Variants in PRR11 observed in about 807,000 individuals in gnomAD.
The protein encoded by PRR11 is proline rich 11, also known as proline-rich protein 11.
In PRR11, 30 loss-of-function variants were observed where a neutral mutation model predicts 45.6. The observed-to-expected ratio is 0.66, with a 90% CI of 0.49 to 0.89. The LOEUF (loss-of-function observed/expected upper bound fraction) is 0.89, where lower values mean the gene tolerates loss of function less well. PRR11 is among the 40% of genes least tolerant of loss of function. PRR11 has a pLI of 0.00. For synonymous variants in PRR11, 128 were observed against 153.5 expected (o/e 0.83, Z 1.23); for missense variants, 373 against 424.8 (o/e 0.88, Z 1.07).
At chr17:59,186,258 C>T (rs1007790874) in intron 4 of PRR11, among the ~76,000 whole-genome samples, 1 of 151,624 alleles carries the variant, frequency 6.6e-6, no homozygotes, top group East Asian at 1.9e-4. Flanking sequence ...CACTATTGCA[C>T]CCACCTAGGA....
At chr17:59,198,858 A>G (rs569285645) in intron 9 of PRR11, among the ~76,000 whole-genome samples, 3 of 152,154 alleles carry the variant, frequency 2.0e-5, no homozygotes, top group Admixed American at 6.6e-5. Flanking sequence ...AAAAAGAACT[A>G]TAGGTAGGAT....
Position 59,175,454 on chromosome 17 carries a change from C to T in PRR11, c.128+5574C>T, listed in dbSNP as rs373172731. Among the ~76,000 whole-genome samples, 22 of 152,170 alleles carry T rather than the reference C, an allele frequency of 1.4e-4. No homozygotes were observed. The South Asian group carries it at 4.1e-3, about 29-fold the overall frequency. ...AGCCTGGGCAACATAGCAAGACCCT[C>T]GTCTCTATAAAAAATGTAAAAGACA... On this transcript the variant is annotated intron_variant, in intron 2 of 9. Transcript: ENST00000262293.
chr17:59,200,248 T>G (rs1319717503), intron 9 of PRR11, among the ~76,000 whole-genome samples: 1 of 152,134 alleles, frequency 6.6e-6, no homozygotes. Context: ...AGCAACTGTA[T>G]CAGGTTTTGC....
intron 2 of PRR11, among the ~76,000 whole-genome samples, chr17:59,180,615 C>G (rs187443200): frequency 6.7e-6 from 1 of 149,772 alleles, no homozygotes; most frequent in African/African-American, 2.5e-5. Context: ...TAGAGATTCT[C>G]CTGTCTCAGC....
At chr17:59,199,678 C>G (rs144453069) in intron 9 of PRR11, among the ~76,000 whole-genome samples, 1 of 152,188 alleles carries the variant, frequency 6.6e-6, no homozygotes, top group Non-Finnish European at 1.5e-5. Flanking sequence ...ATAGTTCGTT[C>G]TCTCTCTGGA....
At position 59,202,402 on chromosome 17, in the gene PRR11, T is replaced by G. The variant is rs954091141; in HGVS notation, c.*771T>G. ...ATAATACAGGGAGACCCCGTTTCTATTAAAAATACAAAAATCAGCCAGCTG... is the reference window on the plus strand; with the variant it reads ...ATAATACAGGGAGACCCCGTTTCTAGTAAAAATACAAAAATCAGCCAGCTG... On this transcript the variant is annotated 3_prime_UTR_variant, in exon 10 of 10. Transcript: ENST00000262293. 1.3e-5 allele frequency: 2 copies of G among 152,018 alleles called. No homozygotes were observed. The highest frequency in any genetic ancestry group is 6.6e-5 in the Admixed American group (1 of 15,260). The allele number at this position is 152,018 out of a possible 1,614,324, so 9.4% of individuals were successfully genotyped here. A position where few individuals can be genotyped will look rare whatever the true frequency, so the allele number is the denominator to read the frequency against.
intron 2 of PRR11, among the ~76,000 whole-genome samples, chr17:59,171,950 T>TAC (rs1491150200): frequency 6.0e-5 from 9 of 150,804 alleles, no homozygotes; most frequent in Admixed American, 2.6e-4. Flanking sequence ...AAATTATCTT[T>TAC]ATATATATAT....
At chr17:59,185,680 C>T (rs1224783431) in intron 4 of PRR11, 118 bp downstream of exon 4, 20 of 944,982 alleles carry the variant, frequency 2.1e-5, no homozygotes, top group Admixed American at 1.2e-4. Flanking sequence ...AAACATTAAG[C>T]GAAAAAGTTT....
At chr17:59,185,417 G>A (rs1262830061) in intron 3 of PRR11, 23 bp from the exon 4 acceptor site, 1 of 1,588,308 alleles carries the variant, frequency 6.3e-7, no homozygotes, top group Non-Finnish European at 8.6e-7. Flanking sequence ...ATAGGACTCA[G>A]AATTGTTTAT....
intron 1 of PRR11, among the ~76,000 whole-genome samples, chr17:59,167,608 G>A (rs900332309): frequency 2.0e-5 from 3 of 152,194 alleles, no homozygotes; most frequent in Admixed American, 2.0e-4. Context: ...CTTATATCTT[G>A]ATTATATGCT....
chr17:59,172,883 G>A (rs760992106), intron 2 of PRR11, among the ~76,000 whole-genome samples: 18 of 152,336 alleles, frequency 1.2e-4, no homozygotes, highest in African/African-American at 3.4e-4. Context: ...TCGCATGCCC[G>A]CCCAAGGGCT....
chr17:59,161,098 G>GA (rs569894910), intron 1 of PRR11, among the ~76,000 whole-genome samples: 13 of 152,002 alleles, frequency 8.6e-5, no homozygotes, highest in East Asian at 5.8e-4. Flanking sequence ...AGCAGTGTAA[G>GA]AAAAAAACTA....
In PRR11 at chr17:59,169,813, A is replaced by C; in HGVS notation, c.61A>C (p.Lys21Gln). 2.5e-6 allele frequency: 4 copies of C among 1,612,376 alleles called. No homozygotes were observed. Among genetic ancestry groups the C allele is most frequent in the Non-Finnish European group, 3.4e-6 (4 of 1,179,522 alleles). Reference sequence around the variant, plus strand: ...AGCCAAAGCCGAAAGATTATTCAAAAAAAAAGAAGCCTCTCACTTTCAGTC... The same window carrying C: ...AGCCAAAGCCGAAAGATTATTCAAACAAAAAGAAGCCTCTCACTTTCAGTC... ...LKAKAERLFK[K>Q]KEASHFQSKL... Residue 21 changes from lysine (K) to glutamine (Q), a missense_variant, in exon 2 of 10, where the codon AAA becomes CAA. Physicochemically the swap from Lys to Gln is moderately conservative, Grantham distance 53. Coordinates refer to ENST00000262293, the MANE Select transcript of PRR11 (RefSeq NM_018304.4).
At chr17:59,201,503 G>T in intron 9 of PRR11, 60 bp from the exon 10 acceptor site, 1 of 1,538,264 alleles carries the variant, frequency 6.5e-7, no homozygotes. Context: ...TGAGAAAGGA[G>T]AGTTGTACTT....
chr17:59,197,913 A>G (rs769387823), intron 9 of PRR11, 124 bp downstream of exon 9: 149 of 791,350 alleles, frequency 1.9e-4, no homozygotes, highest in Non-Finnish European at 2.9e-4. Flanking sequence ...TGAGCCTAGC[A>G]GTTCAAGATG....
chr17:59,201,328 T>C (rs1286178585), intron 9 of PRR11, among the ~76,000 whole-genome samples: 5 of 152,204 alleles, frequency 3.3e-5, no homozygotes, highest in Non-Finnish European at 7.3e-5. Context: ...AAGCCTCATG[T>C]CCACATTCTA....
chr17:59,169,877 A>G lies in PRR11; in HGVS notation c.125A>G (p.Glu42Gly), dbSNP rs1252278039. 6.2e-7 allele frequency: 1 copy of G among 1,601,792 alleles called. No individual in the cohort carries two copies. The highest frequency in any genetic ancestry group is 1.1e-5 in the South Asian group (1 of 88,432). The part of the protein sequence containing the change: ...ITPPPPPPSP[E>G]RVGISSIDIS... The stretch of plus-strand genomic sequence containing the variant: ...CCTCCTCCTCCACCACCCTCACCAG[A>G]AAGGTAAGGCTTAATGTGGAACAGA... Residue 42 changes from glutamate to glycine, a missense_variant, in exon 2 of 10, where the codon GAA becomes GGA. Glu to Gly is a moderately conservative substitution (Grantham distance 98, BLOSUM62 -2). Coordinates refer to ENST00000262293, the MANE Select transcript of PRR11 (RefSeq NM_018304.4).
In PRR11 at chr17:59,202,997, A is replaced by C. The variant is rs1420755987; in HGVS notation, c.*1366A>C. 4 of 152,298 alleles carry C rather than the reference A, an allele frequency of 2.6e-5. No homozygotes were observed. The East Asian group carries it at 7.7e-4, about 29-fold the overall frequency. The allele number at this position is 152,298 out of a possible 1,614,324, so 9.4% of individuals were successfully genotyped here. On this transcript the variant is annotated 3_prime_UTR_variant, in exon 10 of 10. Coordinates refer to ENST00000262293, the MANE Select transcript of PRR11 (RefSeq NM_018304.4). ...TATGGTGAGCTATGATTGTTCCACT[A>C]TACTCCAGCATTGGCAACAGAGCAA...
chr17:59,167,988 A>G (rs2046687907), intron 1 of PRR11, among the ~76,000 whole-genome samples: 1 of 151,832 alleles, frequency 6.6e-6, no homozygotes, highest in Non-Finnish European at 1.5e-5. Flanking sequence ...GCCTCATTTT[A>G]CCCAGCTCCT....
Sources: allele counts gnomAD v4.1 joint callset (sites outside exome capture counted in the v4.1 genomes callset), GRCh38; gene constraint gnomAD v4.1.1; transcripts MANE v1.5; gene names NCBI Gene and HGNC (gene_info 2026-07-23, HGNC 2026-07-21).